The following CDC73 variants were observed in gnomAD, a reference collection of about 807,000 sequenced individuals.
CDC73 encodes the protein parafibromin.
CDC73 carries 21 observed loss-of-function variants against 83.7 expected under a neutral mutation model. That is an observed-to-expected ratio of 0.25 (90% confidence interval 0.18 to 0.36). The LOEUF is 0.36. Ranked by LOEUF, CDC73 falls within the 10% of genes least tolerant of loss-of-function variation. The pLI is 1.00. For missense variants in CDC73, 342 were observed against 653.3 expected, an observed-to-expected ratio of 0.52 and a Z score of 5.19; for synonymous variants, 224 against 212.9, an observed-to-expected ratio of 1.05 and a Z score of -0.45.
At chr1:193,125,363 A>C in intron 2 of CDC73, 146 bp downstream of exon 2, 1 of 677,346 alleles carries the variant, frequency 1.5e-6, no homozygotes, top group Admixed American at 2.1e-5. Flanking sequence ...GGCTCAAGTG[A>C]TCTTCCCACC....
intron 15 of CDC73, among the ~76,000 whole-genome samples, chr1:193,244,142 T>C (rs1677911424): frequency 1.3e-5 from 2 of 152,186 alleles, no homozygotes; most frequent in Non-Finnish European, 2.9e-5. Flanking sequence ...GCAGATATAA[T>C]GATAAACTAG....
chr1:193,236,436 C>A, intron 15 of CDC73, 80 bp downstream of exon 15: 1 of 897,552 alleles, frequency 1.1e-6, no homozygotes. Flanking sequence ...TATAGTTCTG[C>A]GCATATGATG....
chr1:193,164,763 A>G (rs1676405824), intron 10 of CDC73, among the ~76,000 whole-genome samples: 1 of 152,206 alleles, frequency 6.6e-6, no homozygotes, highest in African/African-American at 2.4e-5. Flanking sequence ...ATCCCTTGCC[A>G]GATGGATATG....
At chr1:193,233,381 C>A (rs1288942091) in intron 14 of CDC73, among the ~76,000 whole-genome samples, 1 of 152,068 alleles carries the variant, frequency 6.6e-6, no homozygotes, top group African/African-American at 2.4e-5. Flanking sequence ...TTTAAATATT[C>A]GTTTGTTTTC....
chr1:193,158,113 A>G (rs1196250525), intron 10 of CDC73, among the ~76,000 whole-genome samples: 2 of 150,778 alleles, frequency 1.3e-5, no homozygotes, highest in African/African-American at 4.9e-5. Flanking sequence ...TGTATTTAGT[A>G]TTGTTAATGA....
intron 13 of CDC73, among the ~76,000 whole-genome samples, chr1:193,230,969 A>G (rs1218018785): frequency 1.3e-5 from 2 of 152,240 alleles, no homozygotes; most frequent in Non-Finnish European, 2.9e-5. Context: ...AACATGCTAC[A>G]GCATCTAAAA....
At chr1:193,199,517 G>A (rs1677054842) in intron 10 of CDC73, among the ~76,000 whole-genome samples, 1 of 151,996 alleles carries the variant, frequency 6.6e-6, no homozygotes, top group South Asian at 2.1e-4. Flanking sequence ...TTTGAGACCA[G>A]CCTGGCCAAC....
intron 10 of CDC73, among the ~76,000 whole-genome samples, chr1:193,155,907 G>T (rs1375087116): frequency 6.6e-6 from 1 of 152,112 alleles, no homozygotes; most frequent in African/African-American, 2.4e-5. Flanking sequence ...CCCTGAGTTT[G>T]CCCCTACCCT....
chr1:193,135,691 T>C, intron 5 of CDC73, 102 bp downstream of exon 5: 1 of 939,662 alleles, frequency 1.1e-6, no homozygotes, highest in Non-Finnish European at 1.6e-6. Context: ...AGGAGCTTTT[T>C]TTCTGGAAAA....
At position 193,251,995 on chromosome 1, in the gene CDC73, C is replaced by T. The variant is rs1045840753; in HGVS notation, c.*1283C>T. ...CCTAGGTTAACATATTTTTGGTGAA[C>T]GTTTAGGCCTTTCATAGGTATTAAG... On this transcript the variant is annotated 3_prime_UTR_variant, in exon 17 of 17. Coordinates refer to ENST00000367435, the MANE Select transcript of CDC73 (RefSeq NM_024529.5). The T allele has an allele frequency of 8.6e-6, 2 of 231,222 alleles. No homozygotes were observed. The highest frequency in any genetic ancestry group is 2.2e-5 in the African/African-American group (1 of 45,294). 14.3% of individuals were successfully genotyped at this position (231,222 alleles called of 1,614,324 possible).
chr1:193,239,707 A>G (rs1015882713), intron 15 of CDC73, among the ~76,000 whole-genome samples: 5 of 152,128 alleles, frequency 3.3e-5, no homozygotes, highest in African/African-American at 1.2e-4. Flanking sequence ...TATTTAGGGT[A>G]TGTATCACCT....
At chr1:193,126,155 G>T (rs1675569540) in intron 2 of CDC73, among the ~76,000 whole-genome samples, 1 of 152,162 alleles carries the variant, frequency 6.6e-6, no homozygotes. Context: ...AAACTTGTAA[G>T]CCTGTGGAAG....
intron 1 of CDC73, 135 bp downstream of exon 1, chr1:193,122,466 C>T (rs994062049): frequency 1.3e-5 from 15 of 1,173,450 alleles, no homozygotes; most frequent in Non-Finnish European, 1.8e-5. Context: ...GAAAGTTTCT[C>T]TCTAGAGCAG....
At chr1:193,152,230 A>T (rs1315829760) in intron 9 of CDC73, 150 bp from the exon 10 acceptor site, 2 of 603,400 alleles carry the variant, frequency 3.3e-6, no homozygotes, top group Non-Finnish European at 5.9e-6. Context: ...TTATCTTCAC[A>T]AGTACGTAAT....
chr1:193,228,948 G>A (rs1017218784), intron 13 of CDC73, among the ~76,000 whole-genome samples: 2 of 151,996 alleles, frequency 1.3e-5, no homozygotes, highest in Non-Finnish European at 2.9e-5. Context: ...TTAAAAATAA[G>A]CAAGAGATGT....
chr1:193,248,678 A>G (rs575422662), intron 15 of CDC73, among the ~76,000 whole-genome samples: 4 of 152,180 alleles, frequency 2.6e-5, no homozygotes, highest in South Asian at 4.1e-4. Flanking sequence ...GTTGATTCCT[A>G]CCTTCATGGT....
At position 193,123,806 on chromosome 1, in the gene CDC73, G is replaced by GATAAGTTGATGTGAAATGCTTTCT. The variant is rs1445234310; in HGVS notation, c.132-1280_132-1257dup. 4.6e-5 allele frequency among the ~76,000 whole-genome samples: 7 copies of GATAAGTTGATGTGAAATGCTTTCT among 152,274 alleles called. No homozygotes were observed. In the East Asian group the frequency reaches 1.3e-3, roughly 29 times the overall value. On this transcript the variant is annotated intron_variant, in intron 1 of 16. Transcript: ENST00000367435. ...TAGTCTGAATAGAGGAGATTAAACA[G>GATAAGTTGATGTGAAATGCTTTCT]ATAAGTTGATGTGAAATGCTTTCTA... is the stretch of plus-strand genomic sequence containing the variant.
rs772427151 is a variant in CDC73 at position 193,252,326 on chromosome 1, A to C, written c.*1614A>C. On this transcript the variant is annotated 3_prime_UTR_variant, in exon 17 of 17. Coordinates refer to ENST00000367435, the MANE Select transcript of CDC73 (RefSeq NM_024529.5). Reference sequence around the variant, plus strand: ...TTCTTAGCATATAAATATATTTCCAAAATAAATTACATGTTGTGTAAACTT... The same window carrying C: ...TTCTTAGCATATAAATATATTTCCACAATAAATTACATGTTGTGTAAACTT... The C allele has an allele frequency of 8.7e-6, 2 of 230,168 alleles. No individual in the cohort carries two copies. Among genetic ancestry groups the C allele is most frequent in the Non-Finnish European group, 1.7e-5 (2 of 116,184 alleles). 14.3% of individuals were successfully genotyped at this position (230,168 alleles called of 1,614,324 possible).
chr1:193,162,246 TA>T (rs1558293564), intron 10 of CDC73, among the ~76,000 whole-genome samples: 79 of 95,002 alleles, frequency 8.3e-4, no homozygotes, highest in Admixed American at 1.1e-3. Context: ...ATATAATATA[TA>T]ATAAATATAG....
Sources: allele counts gnomAD v4.1 joint callset (sites outside exome capture counted in the v4.1 genomes callset), GRCh38; gene constraint gnomAD v4.1.1; transcripts MANE v1.5; gene names NCBI Gene and HGNC (gene_info 2026-07-23, HGNC 2026-07-21).